The following ZNF141 variants were observed in gnomAD, a reference collection of about 807,000 sequenced individuals.
ZNF141 encodes zinc finger protein 141 (clone pHZ-44).
In ZNF141, 7 loss-of-function variants were observed where a neutral mutation model predicts 11.3. That is an observed-to-expected ratio of 0.62 (90% CI 0.35 to 1.16). The LOEUF (loss-of-function observed/expected upper bound fraction) is 1.16. Ranked by LOEUF, ZNF141 falls within the 50% of genes most tolerant of loss-of-function variation. The pLI is 0.02. For missense variants in ZNF141, 535 were observed against 554.0 expected (o/e 0.97, Z 0.34); for synonymous variants, 183 against 190.7 (o/e 0.96, Z 0.33).
chr4:350,755 T>A (rs1553850317), intron 3 of ZNF141, among the ~76,000 whole-genome samples: 1 of 152,202 alleles, frequency 6.6e-6, no homozygotes, highest in African/African-American at 2.4e-5. Flanking sequence ...TTATTTATTT[T>A]TTGAGATGGA....
rs1038018119 is a variant in ZNF141, at chr4:377,521, T to C, written c.*3659T>C. On this transcript the variant is annotated 3_prime_UTR_variant, in exon 4 of 4. Coordinates refer to ENST00000240499, the MANE Select transcript of ZNF141 (RefSeq NM_003441.4). The stretch of plus-strand genomic sequence containing the variant: ...CCAGCTATGTATGCCTCAGAGCCTT[T>C]CTTCATTTTTGCGTTATGGCTAGTT... 3.3e-5 allele frequency among the ~76,000 whole-genome samples: 5 copies of C among 152,224 alleles called. No individual in the cohort carries two copies. The highest frequency in any genetic ancestry group is 7.3e-5 in the Non-Finnish European group (5 of 68,034).
intron 1 of ZNF141, chr4:342,924 A>C (rs1369508144): frequency 6.4e-7 from 1 of 1,567,262 alleles, no homozygotes; most frequent in Non-Finnish European, 8.8e-7. Context: ...CCTTAGTGTC[A>C]GGATCTACTT....
At chr4:361,474 C>A (rs1408308951) in intron 3 of ZNF141, among the ~76,000 whole-genome samples, 3 of 151,284 alleles carry the variant, frequency 2.0e-5, no homozygotes, top group African/African-American at 7.3e-5. Context: ...TGGTGTGCTG[C>A]ACCCATTAAC....
chr4:369,754 A>ATTTTTTTTTTTTT (rs1560196750), intron 3 of ZNF141, among the ~76,000 whole-genome samples: 1 of 35,498 alleles, frequency 2.8e-5, no homozygotes, highest in African/African-American at 1.5e-4. Flanking sequence ...ATATATATAT[A>ATTTTTTTTTTTTT]TATATATATA....
intron 2 of ZNF141, 140 bp downstream of exon 2, chr4:344,048 C>G: frequency 8.0e-7 from 1 of 1,246,582 alleles, no homozygotes; most frequent in Non-Finnish European, 1.1e-6. Context: ...GTCCTTCACT[C>G]TAGGTTAGTG....
At position 373,059 on chromosome 4, in the gene ZNF141, T is replaced by C. The variant is rs1253984602; in HGVS notation, c.622T>C (p.Phe208Leu). The C allele has an allele frequency of 1.2e-6, 2 of 1,613,792 alleles. No individual in the cohort carries two copies. The highest frequency in any genetic ancestry group is 1.7e-6 in the Non-Finnish European group (2 of 1,179,940). Residue 208 changes from phenylalanine (F) to leucine (L), a missense_variant, in exon 4 of 4, where the codon TTT becomes CTT. By Grantham distance (22) the Phe-to-Leu change is conservative. Coordinates refer to ENST00000240499, the MANE Select transcript of ZNF141 (RefSeq NM_003441.4). ...CACTTGTGAAGAATGTGGCAAAGCCTTTAAATGGTCTTTAATATTTAATGA... is the reference window on the plus strand; with the variant it reads ...CACTTGTGAAGAATGTGGCAAAGCCCTTAAATGGTCTTTAATATTTAATGA... ...PYTCEECGKA[F>L]KWSLIFNEHK... is the part of the protein sequence containing the mutation.
In ZNF141 at chr4:375,140, T is replaced by G. The variant is rs1014728812; in HGVS notation, c.*1278T>G. 1.3e-5 allele frequency: 2 copies of G among 152,138 alleles called. No homozygotes were observed. The highest frequency in any genetic ancestry group is 4.8e-5 in the African/African-American group (2 of 41,452). The allele number at this position is 152,138 out of a possible 1,614,324, so 9.4% of individuals were successfully genotyped here. On this transcript the variant is annotated 3_prime_UTR_variant, in exon 4 of 4. Transcript: ENST00000240499. ...ATAGAAAAGTCATATCTCCTCACAT[T>G]TTACTAACTAGCAATGTTCATACTT...
chr4:338,224 T>C, intron 1 of ZNF141: 1 of 487,684 alleles, frequency 2.1e-6, no homozygotes, highest in Non-Finnish European at 3.7e-6. Context: ...CCCCAGGCTG[T>C]GGGGTGAGGA....
In ZNF141 at chr4:377,276, T is replaced by C. The variant is rs778254422; in HGVS notation, c.*3414T>C. ...GTGAACAAACAAAGTTCTGGGTGTG[T>C]AATAGATGCTTCATAATTAGCCATA... On this transcript the variant is annotated 3_prime_UTR_variant, in exon 4 of 4. Transcript: ENST00000240499. Among the ~76,000 whole-genome samples the C allele has an allele frequency of 6.6e-6, 1 of 152,172 alleles. No individual in the cohort carries two copies. The highest frequency in any genetic ancestry group is 1.5e-5 in the Non-Finnish European group (1 of 68,028).
chr4:366,729 C>T (rs555227361), intron 3 of ZNF141, among the ~76,000 whole-genome samples: 1 of 152,336 alleles, frequency 6.6e-6, no homozygotes, highest in Admixed American at 6.5e-5. Flanking sequence ...GACTGGAGCG[C>T]ACTGGTGCGA....
At chr4:341,598 G>A (rs1235819233) in intron 1 of ZNF141, among the ~76,000 whole-genome samples, 5 of 152,116 alleles carry the variant, frequency 3.3e-5, no homozygotes, top group Non-Finnish European at 7.3e-5. Flanking sequence ...TTTCTCTTGG[G>A]CAGGCTTAGA....
rs555290324 is a variant in ZNF141, at chr4:361,067, A to G, written c.227-11597A>G. On this transcript the variant is annotated intron_variant, in intron 3 of 3. Transcript: ENST00000240499. ...ATGTAACCGTTTTAGGTAGATGTAA[A>G]TATTTAATTGTGATGAAAAACATAA... Among the ~76,000 whole-genome samples the G allele has an allele frequency of 5.9e-5, 9 of 152,302 alleles. No homozygotes were observed. In the South Asian group the frequency reaches 1.4e-3, roughly 25 times the overall value.
At chr4:343,016 C>T in intron 1 of ZNF141, 2 of 652,020 alleles carry the variant, frequency 3.1e-6, no homozygotes, top group South Asian at 2.5e-5. Context: ...AAAAAAGTTC[C>T]TTGCATGATT....
In ZNF141 at chr4:378,676, T is replaced by C. The variant is rs1712478905; in HGVS notation, c.*4814T>C. On this transcript the variant is annotated 3_prime_UTR_variant, in exon 4 of 4. Transcript: ENST00000240499. ...TTTTTTGTCCAGATTCATATTACAA[T>C]CTTGAGGAATTTCTCATAATTCTTT... is the stretch of plus-strand genomic sequence containing the variant. Among the ~76,000 whole-genome samples the C allele has an allele frequency of 6.6e-6, 1 of 152,068 alleles. No individual in the cohort carries two copies. Among genetic ancestry groups the C allele is most frequent in the Non-Finnish European group, 1.5e-5 (1 of 68,000 alleles).
chr4:373,505 A>T lies in ZNF141; in HGVS notation c.1068A>T (p.Glu356Asp). ...TTAGACAGTCCTCAAAACTGAATGAACATAAGAAAGTTCATACTGGAGAGC... is the reference window on the plus strand; with the variant it reads ...TTAGACAGTCCTCAAAACTGAATGATCATAAGAAAGTTCATACTGGAGAGC... ...KAFRQSSKLNEHKKVHTGERP... is the reference protein window; with the variant it reads ...KAFRQSSKLNDHKKVHTGERP... The change falls in exon 4 of 4, where the codon GAA (glutamate) becomes GAT (aspartate). Residue 356 changes from glutamate to aspartate, a missense_variant. Physicochemically the swap from Glu to Asp is conservative, Grantham distance 45 (BLOSUM62 2). Transcript: ENST00000240499. 4.3e-6 allele frequency: 7 copies of T among 1,614,014 alleles called. No individual in the cohort carries two copies. Among genetic ancestry groups the T allele is most frequent in the Non-Finnish European group, 5.9e-6 (7 of 1,179,936 alleles).
At chr4:339,140 G>C (rs1720932892) in intron 1 of ZNF141, among the ~76,000 whole-genome samples, 1 of 152,224 alleles carries the variant, frequency 6.6e-6, no homozygotes, top group South Asian at 2.1e-4. Flanking sequence ...TCTACCCTCA[G>C]GAATTGTGCC....
At chr4:340,882 G>A (rs75793340) in intron 1 of ZNF141, among the ~76,000 whole-genome samples, 1 of 152,118 alleles carries the variant, frequency 6.6e-6, no homozygotes, top group African/African-American at 2.4e-5. Flanking sequence ...ATTTCTGACA[G>A]CTTTCTATCA....
rs782168668 is a variant in ZNF141, at chr4:380,205, G to A, written c.*6343G>A. Among the ~76,000 whole-genome samples, 1 of 152,034 alleles carries A rather than the reference G, an allele frequency of 6.6e-6. No homozygotes were observed. ...AATTGTATTTCCTTGTGTATACCAC[G>A]TTTTTGGAAAAATACATTCATTTCT... On this transcript the variant is annotated 3_prime_UTR_variant, in exon 4 of 4. Coordinates refer to ENST00000240499, the MANE Select transcript of ZNF141 (RefSeq NM_003441.4).
At chr4:342,151 A>T (rs900499208) in intron 1 of ZNF141, among the ~76,000 whole-genome samples, 1 of 152,186 alleles carries the variant, frequency 6.6e-6, no homozygotes, top group Non-Finnish European at 1.5e-5. Context: ...TGGGACACCT[A>T]GTGTCTACCT....
Sources: gnomAD v4.1 joint callset for allele counts (sites outside exome capture counted in the v4.1 genomes callset) on GRCh38, gnomAD v4.1.1 for gene constraint, MANE v1.5 for transcripts, NCBI Gene and HGNC (gene_info 2026-07-23, HGNC 2026-07-21) for gene names.